C3orf20: variants seen among roughly 807,000 people sequenced by gnomAD.
C3orf20 encodes the protein uncharacterized protein C3orf20.
In C3orf20, 76 loss-of-function variants were observed where a neutral mutation model predicts 88.3. That is an observed-to-expected ratio of 0.86 (90% confidence interval 0.72 to 1.04). C3orf20 has a LOEUF of 1.04. Among genes scored for constraint, C3orf20 ranks in the 50% least tolerant of loss-of-function variants. C3orf20 has a pLI of 0.00. For missense variants in C3orf20, 1,056 were observed against 1,123.3 expected, an observed-to-expected ratio of 0.94 and a Z score of 0.86; for synonymous variants, 436 against 437.4, an observed-to-expected ratio of 1.00 and a Z score of 0.04.
intron 4 of C3orf20, among the ~76,000 whole-genome samples, chr3:14,685,710 C>G (rs2032380817): frequency 6.6e-6 from 1 of 152,132 alleles, no homozygotes; most frequent in African/African-American, 2.4e-5. Flanking sequence ...CATTCACTCT[C>G]TGCTTCTATG....
At chr3:14,725,783 T>C (rs1332101371) in intron 10 of C3orf20, among the ~76,000 whole-genome samples, 2 of 152,014 alleles carry the variant, frequency 1.3e-5, no homozygotes, top group Non-Finnish European at 2.9e-5. Context: ...AGAGTTTTTT[T>C]CCTACCTTCT....
At chr3:14,722,385 T>A (rs2034194630) in intron 10 of C3orf20, 1 of 437,530 alleles carries the variant, frequency 2.3e-6, no homozygotes, top group South Asian at 1.7e-5. Context: ...TTGAGGCTCA[T>A]GTCCATCCTG....
At chr3:14,709,489 G>A (rs2033655068) in intron 7 of C3orf20, among the ~76,000 whole-genome samples, 1 of 152,134 alleles carries the variant, frequency 6.6e-6, no homozygotes, top group Non-Finnish European at 1.5e-5. Context: ...TTATTATGAT[G>A]TTAGTTGTGA....
At chr3:14,719,487 A>G (rs779256198) in intron 9 of C3orf20, among the ~76,000 whole-genome samples, 12 of 152,246 alleles carry the variant, frequency 7.9e-5, no homozygotes, top group Admixed American at 5.2e-4. Flanking sequence ...GGGAGGAAAC[A>G]GAGAAGTTTC....
chr3:14,703,722 A>G (rs1425363125), intron 6 of C3orf20, among the ~76,000 whole-genome samples: 2 of 152,146 alleles, frequency 1.3e-5, no homozygotes, highest in Non-Finnish European at 2.9e-5. Flanking sequence ...TCTTAACTTA[A>G]TTTGCTAGAT....
chr3:14,759,529 G>A (rs1314979178), intron 13 of C3orf20, among the ~76,000 whole-genome samples: 3 of 152,140 alleles, frequency 2.0e-5, no homozygotes, highest in Non-Finnish European at 4.4e-5. Context: ...GCCTGGAAAC[G>A]GGTCCACCTA....
intron 12 of C3orf20, among the ~76,000 whole-genome samples, chr3:14,743,911 C>A (rs1440868920): frequency 6.6e-6 from 1 of 152,036 alleles, no homozygotes; most frequent in African/African-American, 2.4e-5. Flanking sequence ...GCCCACGAAA[C>A]CACTTTTTCC....
At chr3:14,754,261 G>A (rs2035298707) in intron 12 of C3orf20, among the ~76,000 whole-genome samples, 1 of 152,174 alleles carries the variant, frequency 6.6e-6, no homozygotes, top group Non-Finnish European at 1.5e-5. Flanking sequence ...TTCCCAGGAG[G>A]GACTGCTCCA....
At chr3:14,685,460 TTCTC>T (rs60024348) in intron 4 of C3orf20, among the ~76,000 whole-genome samples, 1,733 of 139,086 alleles carry the variant, frequency 0.012, 44 homozygotes, top group African/African-American at 0.044. Context: ...CTCTCTCTGT[TTCTC>T]TCTCTCTCTC....
intron 8 of C3orf20, 128 bp downstream of exon 8, chr3:14,714,287 C>A: frequency 2.0e-6 from 2 of 1,019,858 alleles, no homozygotes; most frequent in Non-Finnish European, 2.9e-6. Context: ...TCTAGTAAGG[C>A]AGTGAGGCAG....
intron 12 of C3orf20, among the ~76,000 whole-genome samples, chr3:14,742,865 T>G (rs2034951059): frequency 6.6e-6 from 1 of 152,134 alleles, no homozygotes; most frequent in Non-Finnish European, 1.5e-5. Flanking sequence ...TGAGATTTAT[T>G]CACTATCAGG....
chr3:14,687,481 G>A (rs1379265757), intron 4 of C3orf20, among the ~76,000 whole-genome samples: 1 of 152,160 alleles, frequency 6.6e-6, no homozygotes, highest in African/African-American at 2.4e-5. Context: ...CTCTAGTTGT[G>A]CTGTAATTAT....
At chr3:14,686,291 G>A (rs1019674757) in intron 4 of C3orf20, among the ~76,000 whole-genome samples, 2 of 152,044 alleles carry the variant, frequency 1.3e-5, no homozygotes, top group Non-Finnish European at 2.9e-5. Context: ...ATACTGCAAT[G>A]AGCATAGGAG....
In C3orf20 at chr3:14,751,067, GC is replaced by G. The variant is rs752675400; in HGVS notation, c.1941-6303del. Among the ~76,000 whole-genome samples, 37 of 152,056 alleles carry G rather than the reference GC, an allele frequency of 2.4e-4. No individual in the cohort carries two copies. The South Asian group carries it at 2.5e-3, about 10-fold the overall frequency. On this transcript the variant is annotated intron_variant, in intron 12 of 16. Transcript: ENST00000253697. ...AGTTTGCTGACCCTTTCTTCTGCCTGCTTAGATCTATCACTGAATTTTTATT... is the reference window on the plus strand; with the variant it reads ...AGTTTGCTGACCCTTTCTTCTGCCTGTTAGATCTATCACTGAATTTTTATT...
At chr3:14,723,678 C>T (rs546984954) in intron 10 of C3orf20, among the ~76,000 whole-genome samples, 1 of 152,220 alleles carries the variant, frequency 6.6e-6, no homozygotes, top group African/African-American at 2.4e-5. Context: ...AAACTACCCG[C>T]AAGAGTTTGA....
intron 7 of C3orf20, among the ~76,000 whole-genome samples, chr3:14,712,487 G>A (rs2033790523): frequency 6.6e-6 from 1 of 152,116 alleles, no homozygotes; most frequent in Non-Finnish European, 1.5e-5. Flanking sequence ...GTGTATTACA[G>A]TTAACACACT....
At chr3:14,694,852 G>A (rs2032915268) in intron 5 of C3orf20, among the ~76,000 whole-genome samples, 1 of 151,818 alleles carries the variant, frequency 6.6e-6, no homozygotes, top group African/African-American at 2.4e-5. Flanking sequence ...GTGCAGTGGT[G>A]TGATCTCAGC....
intron 7 of C3orf20, among the ~76,000 whole-genome samples, chr3:14,709,600 T>C (rs1041341692): frequency 5.9e-5 from 9 of 152,222 alleles, no homozygotes; most frequent in African/African-American, 2.2e-4. Flanking sequence ...TTTTGTCAAA[T>C]GCTTTTTCTT....
Position 14,722,325 on chromosome 3 carries a change from G to A in C3orf20, c.1566+541G>A, listed in dbSNP as rs370057738. ...CATTGGCTCTATTAACTGCCCATGC[G>A]TGAAACATTCCCTGTGGCCAGGAGT... is the stretch of plus-strand genomic sequence containing the variant. On this transcript the variant is annotated intron_variant, in intron 10 of 16. Coordinates refer to ENST00000253697, the MANE Select transcript of C3orf20 (RefSeq NM_032137.5). The A allele has an allele frequency of 2.1e-4, 80 of 382,318 alleles. No individual in the cohort carries two copies. In the Middle Eastern group the frequency reaches 7.9e-3, roughly 38 times the overall value. The allele number at this position is 382,318 out of a possible 1,614,324, so 23.7% of individuals were successfully genotyped here.
Sources: gnomAD v4.1 joint callset for allele counts (sites outside exome capture counted in the v4.1 genomes callset) on GRCh38, gnomAD v4.1.1 for gene constraint, MANE v1.5 for transcripts, NCBI Gene and HGNC (gene_info 2026-07-23, HGNC 2026-07-21) for gene names.